The following ANO2 variants were observed in gnomAD, a reference collection of about 807,000 sequenced individuals.
ANO2 encodes anoctamin-2.
A neutral mutation model predicts 124.2 loss-of-function variants in ANO2; 101 were observed. The observed-to-expected ratio is 0.81, with a 90% confidence interval of 0.69 to 0.96. ANO2 has a LOEUF of 0.96. ANO2 is among the 40% of genes least tolerant of loss of function. The pLI, the probability that ANO2 is intolerant of heterozygous loss-of-function variation, is 0.00. For missense variants in ANO2, 1,293 were observed against 1,274.5 expected, an observed-to-expected ratio of 1.01 and a Z score of -0.22; for synonymous variants, 486 against 482.5, an observed-to-expected ratio of 1.01 and a Z score of -0.09.
chr12:5,792,757 G>T (rs533492827), intron 10 of ANO2, among the ~76,000 whole-genome samples: 50 of 152,282 alleles, frequency 3.3e-4, no homozygotes, highest in African/African-American at 1.1e-3. Context: ...TTCTCCATCA[G>T]CCTGTCCCTT....
intron 23 of ANO2, among the ~76,000 whole-genome samples, chr12:5,566,894 C>G (rs917654606): frequency 2.5e-4 from 38 of 152,182 alleles, no homozygotes; most frequent in African/African-American, 8.7e-4. Flanking sequence ...GGGACATTCA[C>G]AAGTAGGTGC....
At chr12:5,901,901 T>C (rs896965159) in intron 3 of ANO2, among the ~76,000 whole-genome samples, 2 of 152,184 alleles carry the variant, frequency 1.3e-5, no homozygotes, top group Non-Finnish European at 2.9e-5. Flanking sequence ...TACATTAGAC[T>C]CCGAGGGGCC....
At chr12:5,726,271 A>C (rs1258325996) in intron 14 of ANO2, among the ~76,000 whole-genome samples, 2 of 152,174 alleles carry the variant, frequency 1.3e-5, no homozygotes, top group African/African-American at 4.8e-5. Context: ...CAGTAAACTG[A>C]GCTAATTCTC....
intron 15 of ANO2, among the ~76,000 whole-genome samples, chr12:5,639,046 T>C (rs897583153): frequency 1.3e-5 from 2 of 152,112 alleles, no homozygotes; most frequent in African/African-American, 2.4e-5. Flanking sequence ...TCTGGTATGC[T>C]CTTAGCAGAG....
chr12:5,922,725 T>TCCATGTTTGGGG lies in ANO2; in HGVS notation c.90_101dup (p.Pro31_Gly34dup), dbSNP rs1323252604. On this transcript the variant is annotated inframe_insertion, in exon 2 of 25. Coordinates refer to ENST00000682330, the MANE Select transcript of ANO2 (RefSeq NM_001364791.2). ...GACCTGGCATCTTGAGACACTGCTGTCCATGTTTGGGGCCCTGGCCCCCTC... is the reference window on the plus strand; with the variant it reads ...GACCTGGCATCTTGAGACACTGCTGTCCATGTTTGGGGCCATGTTTGGGGCCCTGGCCCCCTC... 1.2e-6 allele frequency: 2 copies of TCCATGTTTGGGG among 1,601,042 alleles called. No individual in the cohort carries two copies. The highest frequency in any genetic ancestry group is 4.5e-5 in the East Asian group (2 of 44,418).
chr12:5,860,199 T>C (rs1467300931), intron 3 of ANO2, among the ~76,000 whole-genome samples: 1 of 152,100 alleles, frequency 6.6e-6, no homozygotes, highest in Non-Finnish European at 1.5e-5. Flanking sequence ...AACCAACTCC[T>C]ATTTGGGTCT....
intron 14 of ANO2, among the ~76,000 whole-genome samples, chr12:5,652,450 A>G (rs1946958077): frequency 6.6e-6 from 1 of 152,152 alleles, no homozygotes; most frequent in African/African-American, 2.4e-5. Flanking sequence ...ATAAAATCTA[A>G]TATTACTTAA....
At chr12:5,923,324 A>G (rs1941926536) in intron 1 of ANO2, among the ~76,000 whole-genome samples, 1 of 152,156 alleles carries the variant, frequency 6.6e-6, no homozygotes, top group South Asian at 2.1e-4. Context: ...CCTTCGGATC[A>G]TGGCTGTCAT....
chr12:5,728,936 C>T (rs1950538505), intron 14 of ANO2, among the ~76,000 whole-genome samples: 1 of 152,106 alleles, frequency 6.6e-6, no homozygotes, highest in South Asian at 2.1e-4. Context: ...TATCTACATG[C>T]AGAAAAATAC....
At chr12:5,625,930 A>ACCTT (rs1431158571) in intron 16 of ANO2, among the ~76,000 whole-genome samples, 2 of 152,162 alleles carry the variant, frequency 1.3e-5, no homozygotes, top group African/African-American at 2.4e-5. Flanking sequence ...ATAAAATGGT[A>ACCTT]CCTTCCTTCA....
chr12:5,622,136 T>C (rs1354054526), intron 16 of ANO2, among the ~76,000 whole-genome samples: 2 of 152,156 alleles, frequency 1.3e-5, no homozygotes, highest in African/African-American at 2.4e-5. Flanking sequence ...TAGAAGGTGA[T>C]CAGGATGAGA....
chr12:5,651,072 A>G (rs1188015875), intron 14 of ANO2, among the ~76,000 whole-genome samples: 1 of 152,262 alleles, frequency 6.6e-6, no homozygotes, highest in Non-Finnish European at 1.5e-5. Flanking sequence ...TGGAAGGCTC[A>G]TAAAAGTAAG....
intron 3 of ANO2, among the ~76,000 whole-genome samples, chr12:5,920,676 TAACA>T (rs1941647143): frequency 6.6e-6 from 1 of 152,046 alleles, no homozygotes; most frequent in Non-Finnish European, 1.5e-5. Flanking sequence ...CCATCCTGGC[TAACA>T]CGGTGAAACC....
chr12:5,832,594 T>A lies in ANO2; in HGVS notation c.643A>T (p.Ile215Phe). 1.2e-6 allele frequency: 2 copies of A among 1,612,520 alleles called. No homozygotes were observed. The highest frequency in any genetic ancestry group is 4.5e-5 in the East Asian group (2 of 44,862). ...IKVPTKKMYE[I>F]KAGGSIAKKF... ...TTTGCAATGCTGCCTCCTGCTTTGA[T>A]CTCGTACATCTATGAAAGGAAGAGC... Residue 215 changes from isoleucine (I) to phenylalanine (F), a missense_variant, in exon 5 of 25, where the codon ATC (isoleucine) becomes TTC (phenylalanine). Physicochemically the swap from Ile to Phe is conservative, Grantham distance 21 (BLOSUM62 0). Coordinates refer to ENST00000682330, the MANE Select transcript of ANO2 (RefSeq NM_001364791.2).
At chr12:5,847,731 C>A (rs561928852) in intron 4 of ANO2, among the ~76,000 whole-genome samples, 1 of 152,262 alleles carries the variant, frequency 6.6e-6, no homozygotes, top group Admixed American at 6.5e-5. Context: ...ACCTTTCCCT[C>A]CTAAAGGGCC....
At chr12:5,837,981 A>G (rs1157576748) in intron 4 of ANO2, among the ~76,000 whole-genome samples, 1 of 152,000 alleles carries the variant, frequency 6.6e-6, no homozygotes, top group East Asian at 1.9e-4. Flanking sequence ...CTAATAAAGA[A>G]AAAAAGAGAG....
intron 3 of ANO2, among the ~76,000 whole-genome samples, chr12:5,876,651 T>TA (rs1404951074): frequency 1.3e-5 from 2 of 152,070 alleles, no homozygotes; most frequent in African/African-American, 4.8e-5. Flanking sequence ...TATGCAGCCA[T>TA]AAAAAAGATG....
chr12:5,799,514 G>A lies in ANO2; in HGVS notation c.1048C>T (p.Leu350Phe). The A allele has an allele frequency of 1.9e-6, 3 of 1,613,584 alleles. No individual in the cohort carries two copies. Among genetic ancestry groups the A allele is most frequent in the East Asian group, 2.2e-5 (1 of 44,878 alleles). ...TTCCCTACCACCTCTTACCTGATGA[G>A]GTCAATAGGTTGGAACTTATAGAAC... ...GVFYKFQPIDLIRKYFGEKIG... is the reference protein window; with the variant it reads ...GVFYKFQPIDFIRKYFGEKIG... Residue 350 changes from leucine to phenylalanine, a missense_variant, in exon 10 of 25, where the codon CTC becomes TTC. By Grantham distance (22) the Leu-to-Phe change is conservative. Transcript: ENST00000682330.
chr12:5,881,918 C>T (rs1438205466), intron 3 of ANO2: 2 of 152,126 alleles, frequency 1.3e-5, no homozygotes, highest in Non-Finnish European at 2.9e-5. Context: ...TGGACTGATC[C>T]TACTGGCACA....
Sources: gnomAD v4.1 joint callset for allele counts (sites outside exome capture counted in the v4.1 genomes callset) on GRCh38, gnomAD v4.1.1 for gene constraint, MANE v1.5 for transcripts, NCBI Gene and HGNC (gene_info 2026-07-23, HGNC 2026-07-21) for gene names.